ZCCHC14: variants seen among roughly 807,000 people sequenced by gnomAD.
ZCCHC14 encodes zinc finger CCHC domain-containing protein 14.
ZCCHC14 carries 16 observed loss-of-function variants against 85.0 expected under a neutral mutation model. The ratio of observed to expected loss-of-function variants is 0.19; its 90% confidence interval spans 0.13 to 0.29. ZCCHC14 has a LOEUF of 0.29. Ranked by LOEUF, ZCCHC14 falls within the 10% of genes least tolerant of loss-of-function variation. The pLI is 1.00. For synonymous variants in ZCCHC14, 775 were observed against 630.7 expected, an observed-to-expected ratio of 1.23 and a Z score of -3.43; for missense variants, 1,303 against 1,443.5, an observed-to-expected ratio of 0.90 and a Z score of 1.58.
At chr16:87,430,164 T>C (rs1567517960) in intron 3 of ZCCHC14, among the ~76,000 whole-genome samples, 1 of 152,210 alleles carries the variant, frequency 6.6e-6, no homozygotes, top group Non-Finnish European at 1.5e-5. Context: ...TTCCTCCCAG[T>C]AGTTTTTGTT....
intron 2 of ZCCHC14, among the ~76,000 whole-genome samples, chr16:87,457,278 G>A (rs1158431545): frequency 4.6e-5 from 7 of 152,210 alleles, no homozygotes; most frequent in African/African-American, 9.6e-5. Flanking sequence ...CCCACACAAC[G>A]GTGTGTTTTC....
intron 1 of ZCCHC14, chr16:87,472,523 G>C (rs1411327013): frequency 1.3e-5 from 2 of 152,360 alleles, no homozygotes; most frequent in Non-Finnish European, 2.9e-5. Flanking sequence ...GGGCCGGGTC[G>C]GGGAGAAACC....
chr16:87,425,245 C>A (rs773416381), intron 3 of ZCCHC14, among the ~76,000 whole-genome samples: 2 of 152,184 alleles, frequency 1.3e-5, no homozygotes, highest in Non-Finnish European at 2.9e-5. Flanking sequence ...GGCTGCAAGG[C>A]GTGCACCTTG....
Position 87,406,352 on chromosome 16 carries a change from C to T in ZCCHC14, c.*3928G>A, listed in dbSNP as rs887380768. 6.6e-6 allele frequency: 1 copy of T among 152,456 alleles called. No homozygotes were observed. The highest frequency in any genetic ancestry group is 1.5e-5 in the Non-Finnish European group (1 of 68,012). The allele number at this position is 152,456 out of a possible 1,614,324, so 9.4% of individuals were successfully genotyped here. ...AACAAAGTATAATAAAACATAAAAA[C>T]CCCAAAAACAGAATACTTGACATTT... On this transcript the variant is annotated 3_prime_UTR_variant, in exon 13 of 13. Coordinates refer to ENST00000671377, the MANE Select transcript of ZCCHC14 (RefSeq NM_015144.3).
At chr16:87,454,977 C>A (rs1910882303) in intron 2 of ZCCHC14, among the ~76,000 whole-genome samples, 1 of 152,192 alleles carries the variant, frequency 6.6e-6, no homozygotes. Context: ...GCCACCAATG[C>A]AACATCAGCG....
In ZCCHC14 at chr16:87,467,383, T is replaced by G. The variant is rs13331353; in HGVS notation, c.571-7252A>C. Reference sequence around the variant, plus strand: ...CCTGGGGTAATTAAGCAAGAGAAACTGGGCACAGTTTACTGTCAGGCAAGC... The same window carrying G: ...CCTGGGGTAATTAAGCAAGAGAAACGGGGCACAGTTTACTGTCAGGCAAGC... On this transcript the variant is annotated intron_variant, in intron 1 of 12. Coordinates refer to ENST00000671377, the MANE Select transcript of ZCCHC14 (RefSeq NM_015144.3). 0.024 allele frequency: 38,121 copies of G among 1,598,982 alleles called. 7,716 individuals are homozygous for G. The African/African-American group carries it at 0.45, about 19-fold the overall frequency.
At chr16:87,443,149 C>T (rs912162278) in intron 2 of ZCCHC14, among the ~76,000 whole-genome samples, 2 of 152,162 alleles carry the variant, frequency 1.3e-5, no homozygotes, top group Admixed American at 1.3e-4. Context: ...ATCATTAACG[C>T]GGTCCCAAGC....
At position 87,409,184 on chromosome 16, in the gene ZCCHC14, A is replaced by G. The variant is rs1908327551; in HGVS notation, c.*1096T>C. 6.6e-6 allele frequency: 1 copy of G among 152,280 alleles called. No homozygotes were observed. Among genetic ancestry groups the G allele is most frequent in the African/African-American group, 2.4e-5 (1 of 41,466 alleles). The allele number at this position is 152,280 out of a possible 1,614,324, so 9.4% of individuals were successfully genotyped here. A position where few individuals can be genotyped will look rare whatever the true frequency, so the allele number is the denominator to read the frequency against. On this transcript the variant is annotated 3_prime_UTR_variant, in exon 13 of 13. Transcript: ENST00000671377. ...GGAATTAACTATCAATACACAGCCT[A>G]ATACAAAAGAAGTTGACAGGAGAAA...
At chr16:87,483,149 T>TA (rs1170833788) in intron 1 of ZCCHC14, among the ~76,000 whole-genome samples, 4 of 151,542 alleles carry the variant, frequency 2.6e-5, no homozygotes, top group Admixed American at 1.3e-4. Flanking sequence ...CCTTGAAACT[T>TA]ACGGAGTTTC....
chr16:87,410,403 C>A, intron 12 of ZCCHC14, 68 bp from the exon 13 acceptor site: 1 of 688,238 alleles, frequency 1.5e-6, no homozygotes, highest in Non-Finnish European at 2.7e-6. Flanking sequence ...ACCAATCTGT[C>A]CAGTCATGTC....
chr16:87,453,294 G>C lies in ZCCHC14; in HGVS notation c.694+6714C>G, dbSNP rs117462769. Among the ~76,000 whole-genome samples, 724 of 152,240 alleles carry C rather than the reference G, an allele frequency of 4.8e-3. 3 individuals carry two copies. Among genetic ancestry groups the C allele is most frequent in the Middle Eastern group, 0.01 (3 of 294 alleles). ...GACCAACCCTTCCACAAATAACAAA[G>C]AACGATTCTGGGGAAAAAAATGTAT... On this transcript the variant is annotated intron_variant, in intron 2 of 12. Transcript: ENST00000671377.
At chr16:87,455,489 G>A (rs1767492429) in intron 2 of ZCCHC14, among the ~76,000 whole-genome samples, 1 of 152,142 alleles carries the variant, frequency 6.6e-6, no homozygotes, top group African/African-American at 2.4e-5. Context: ...TAAATGGGGG[G>A]CTCATAGAGG....
chr16:87,412,019 T>C lies in ZCCHC14; in HGVS notation c.2702A>G (p.His901Arg). 1 of 1,609,110 alleles carries C rather than the reference T, an allele frequency of 6.2e-7. No homozygotes were observed. Among genetic ancestry groups the C allele is most frequent in the South Asian group, 1.1e-5 (1 of 91,034 alleles). Residue 901 changes from histidine to arginine, a missense_variant, in exon 12 of 13, where the codon CAC (histidine) becomes CGC (arginine). Coordinates refer to ENST00000671377, the MANE Select transcript of ZCCHC14 (RefSeq NM_015144.3). ...GGGCTGCTGATGGTGGTGGTGGTGG[T>C]GGTGGTTCGGATTCGAGGCAGGAAT... ...GNIPASNPNH[H>R]HHHHHQQPPA...
At chr16:87,427,904 T>A (rs1224513114) in intron 3 of ZCCHC14, among the ~76,000 whole-genome samples, 1 of 151,714 alleles carries the variant, frequency 6.6e-6, no homozygotes, top group Non-Finnish European at 1.5e-5. Flanking sequence ...AGTGCTGGGA[T>A]TTACAGGCAT....
chr16:87,467,429 T>C, intron 1 of ZCCHC14: 2 of 1,603,390 alleles, frequency 1.2e-6, no homozygotes, highest in Non-Finnish European at 1.7e-6. Flanking sequence ...CAAATATGAT[T>C]GGTAATAAAA....
chr16:87,468,336 G>A (rs1350007866), intron 1 of ZCCHC14, among the ~76,000 whole-genome samples: 3 of 152,096 alleles, frequency 2.0e-5, no homozygotes, highest in Non-Finnish European at 2.9e-5. Context: ...CTCATTAAGA[G>A]ATATCTTAAG....
At chr16:87,473,671 ATT>A (rs1311123108) in intron 1 of ZCCHC14, 2 of 152,162 alleles carry the variant, frequency 1.3e-5, no homozygotes, top group Non-Finnish European at 2.9e-5. Flanking sequence ...CCACTATAAT[ATT>A]CAGCTCCCTG....
rs2150783035 is a variant in ZCCHC14, at chr16:87,491,567, G to A, written c.570+102C>T. On this transcript the variant is annotated intron_variant, in intron 1 of 12. Coordinates refer to ENST00000671377, the MANE Select transcript of ZCCHC14 (RefSeq NM_015144.3). The surrounding 1 kb of genome is among the most constrained non-coding windows in gnomAD (Gnocchi z 5.9). ...TGGGTGGGAGCTCTCAGTGCAGGCT[G>A]GAGGCGTGGGTCGGGGGGTCGCGGT... 3 of 1,099,318 alleles carry A rather than the reference G, an allele frequency of 2.7e-6. No homozygotes were observed. In the Admixed American group the frequency reaches 1.3e-4, roughly 47 times the overall value. The allele number at this position is 1,099,318 out of a possible 1,614,324, so 68.1% of individuals were successfully genotyped here.
At chr16:87,469,933 T>C (rs574386857) in intron 1 of ZCCHC14, among the ~76,000 whole-genome samples, 2 of 152,294 alleles carry the variant, frequency 1.3e-5, no homozygotes, top group South Asian at 4.1e-4. Context: ...CGACATGTGA[T>C]CGTCTGTTCT....
Sources: allele counts gnomAD v4.1 joint callset (sites outside exome capture counted in the v4.1 genomes callset), GRCh38; gene constraint gnomAD v4.1.1; non-coding constraint Gnocchi (gnomAD v3.1); transcripts MANE v1.5; gene names NCBI Gene and HGNC (gene_info 2026-07-23, HGNC 2026-07-21).